Variants in GLYATL3 observed in about 807,000 individuals in gnomAD.
The protein encoded by GLYATL3 is glycine N-acyltransferase-like protein 3.
Under a neutral mutation model 28.5 loss-of-function variants are expected in GLYATL3, and 31 were observed. The observed-to-expected ratio is 1.09, with a 90% confidence interval of 0.82 to 1.47. The LOEUF is 1.47. GLYATL3 is among the 40% of genes most tolerant of loss of function. The probability of loss-of-function intolerance (pLI) is 0.00; values close to 1 mark genes in which losing one functional copy is unlikely to be tolerated. For missense variants in GLYATL3, 369 were observed against 351.5 expected, an observed-to-expected ratio of 1.05 and a Z score of -0.40; for synonymous variants, 141 against 140.2, an observed-to-expected ratio of 1.01 and a Z score of -0.04.
chr6:49,501,106 T>C (rs1768904171), intron 1 of GLYATL3, among the ~76,000 whole-genome samples: 1 of 152,088 alleles, frequency 6.6e-6, no homozygotes, highest in South Asian at 2.1e-4. Flanking sequence ...GTTTTGCTAT[T>C]AAGAAGCTGG....
chr6:49,501,350 G>C (rs979208761), intron 1 of GLYATL3, among the ~76,000 whole-genome samples: 5 of 152,144 alleles, frequency 3.3e-5, no homozygotes, highest in Non-Finnish European at 7.3e-5. Context: ...TTGGCAGGTC[G>C]AGAAATAAGA....
chr6:49,519,140 TG>T (rs1769270777), intron 4 of GLYATL3, among the ~76,000 whole-genome samples: 2 of 152,168 alleles, frequency 1.3e-5, no homozygotes, highest in African/African-American at 4.8e-5. Context: ...ATTTCCTCAT[TG>T]GTGTGAAAAA....
intron 1 of GLYATL3, among the ~76,000 whole-genome samples, chr6:49,503,166 C>A (rs1361984037): frequency 1.3e-5 from 2 of 149,970 alleles, no homozygotes; most frequent in Non-Finnish European, 3.0e-5. Context: ...GGGACATTAG[C>A]AAAGGGGGGG....
At chr6:49,524,907 G>C (rs181187919) in intron 5 of GLYATL3, among the ~76,000 whole-genome samples, 1 of 150,348 alleles carries the variant, frequency 6.7e-6, no homozygotes, top group Non-Finnish European at 1.5e-5. Flanking sequence ...TTGAACTCAG[G>C]GGGCAGAGGT....
chr6:49,507,675 C>A (rs891988313), intron 1 of GLYATL3, among the ~76,000 whole-genome samples: 1 of 152,012 alleles, frequency 6.6e-6, no homozygotes, highest in Non-Finnish European at 1.5e-5. Flanking sequence ...CCACCTTGGG[C>A]GCCAGATATT....
intron 1 of GLYATL3, among the ~76,000 whole-genome samples, chr6:49,507,018 C>T (rs1581865735): frequency 6.6e-6 from 1 of 152,170 alleles, no homozygotes; most frequent in Admixed American, 6.5e-5. Context: ...CCTCCTCTGG[C>T]AGAGGGGGCA....
At chr6:49,525,017 A>G (rs1447089535) in intron 5 of GLYATL3, among the ~76,000 whole-genome samples, 1 of 149,564 alleles carries the variant, frequency 6.7e-6, no homozygotes, top group Non-Finnish European at 1.5e-5. Flanking sequence ...AAGCATGCAC[A>G]TATGCTTGGC....
intron 2 of GLYATL3, among the ~76,000 whole-genome samples, chr6:49,515,176 T>C (rs767030256): frequency 3.3e-5 from 5 of 152,188 alleles, no homozygotes; most frequent in Non-Finnish European, 7.3e-5. Flanking sequence ...TGATGTCTAA[T>C]TGTAATTTAG....
intron 3 of GLYATL3, 44 bp downstream of exon 3, chr6:49,515,804 GAAAGAA>G (rs1561978537): frequency 1.8e-6 from 2 of 1,106,994 alleles, no homozygotes; most frequent in Admixed American, 2.0e-5. Flanking sequence ...ATAAGAATTG[GAAAGAA>G]AAAGTAGGTA....
At chr6:49,509,222 A>G (rs1390861088) in intron 1 of GLYATL3, among the ~76,000 whole-genome samples, 5 of 152,196 alleles carry the variant, frequency 3.3e-5, no homozygotes, top group Admixed American at 2.0e-4. Context: ...ATTTTCAATA[A>G]AATACCAGAC....
At chr6:49,518,855 G>A (rs2501970) in intron 4 of GLYATL3, among the ~76,000 whole-genome samples, 70,085 of 151,504 alleles carry the variant, frequency 0.46, 16,972 homozygotes, top group East Asian at 0.62. Flanking sequence ...GCAGGAGAAT[G>A]GCGTGAACCC....
chr6:49,515,722 C>T lies in GLYATL3; in HGVS notation c.148C>T (p.Pro50Ser), dbSNP rs1188889549. 1 of 1,550,774 alleles carries T rather than the reference C, an allele frequency of 6.4e-7. No homozygotes were observed. The highest frequency in any genetic ancestry group is 8.7e-7 in the Non-Finnish European group (1 of 1,146,076). Residue 50 changes from proline (P) to serine (S), a missense_variant, in exon 3 of 6, where the codon CCG becomes TCG. Physicochemically the swap from Pro to Ser is moderately conservative, Grantham distance 74. Transcript: ENST00000371197. ...AAAGGAAGTGGTGTTGGATTCATGG[C>T]CGGATTTCAAAGCTGTTATCACCCG... ...FQKEVVLDSW[P>S]DFKAVITRRQ...
chr6:49,524,743 C>A (rs865921886), intron 5 of GLYATL3, among the ~76,000 whole-genome samples: 55 of 151,722 alleles, frequency 3.6e-4, no homozygotes, highest in African/African-American at 1.3e-3. Flanking sequence ...CCAGCACTTG[C>A]CGAGGCGGGT....
At chr6:49,511,259 AT>A (rs1769117354) in intron 1 of GLYATL3, among the ~76,000 whole-genome samples, 1 of 152,220 alleles carries the variant, frequency 6.6e-6, no homozygotes, top group Non-Finnish European at 1.5e-5. Flanking sequence ...TCTAAAAAAA[AT>A]CTAATTGCAT....
intron 5 of GLYATL3, 80 bp from the exon 6 acceptor site, chr6:49,526,408 G>A: frequency 1.6e-6 from 2 of 1,226,946 alleles, no homozygotes; most frequent in East Asian, 5.1e-5. Flanking sequence ...GCAAGACTGT[G>A]TCTCGAAAAA....
At chr6:49,511,560 G>A (rs1448396039) in intron 1 of GLYATL3, among the ~76,000 whole-genome samples, 2 of 152,146 alleles carry the variant, frequency 1.3e-5, no homozygotes, top group Non-Finnish European at 2.9e-5. Flanking sequence ...AGGTCCTTTG[G>A]CAGGTGCTGT....
chr6:49,509,949 T>TTCCTTC (rs1554164874), intron 1 of GLYATL3, among the ~76,000 whole-genome samples: 6 of 32,632 alleles, frequency 1.8e-4, no homozygotes, highest in South Asian at 2.3e-3. Context: ...ATTTTCTTTC[T>TTCCTTC]CTTTCTTTCT....
chr6:49,512,375 C>G (rs1769139121), intron 2 of GLYATL3, among the ~76,000 whole-genome samples: 1 of 145,650 alleles, frequency 6.9e-6, no homozygotes, highest in East Asian at 2.0e-4. Flanking sequence ...TGGTGGTTTG[C>G]TGCACCTATC....
chr6:49,505,560 A>C (rs1239838968), intron 1 of GLYATL3, among the ~76,000 whole-genome samples: 2 of 152,246 alleles, frequency 1.3e-5, no homozygotes, highest in Non-Finnish European at 2.9e-5. Flanking sequence ...GAATCCAGGA[A>C]GTATTTCCTA....
Sources: gnomAD v4.1 joint callset for allele counts (sites outside exome capture counted in the v4.1 genomes callset) on GRCh38, gnomAD v4.1.1 for gene constraint, MANE v1.5 for transcripts, NCBI Gene and HGNC (gene_info 2026-07-23, HGNC 2026-07-21) for gene names.